The following SERGEF variants were observed in gnomAD, a reference collection of about 807,000 sequenced individuals.
The protein encoded by SERGEF is secretion regulating guanine nucleotide exchange factor.
Under a neutral mutation model 50.0 loss-of-function variants are expected in SERGEF, and 51 were observed. The ratio of observed to expected loss-of-function variants is 1.02; its 90% CI spans 0.81 to 1.29. The LOEUF is 1.29. SERGEF is among the 50% of genes most tolerant of loss of function. SERGEF has a pLI of 0.00. For synonymous variants in SERGEF, 205 were observed against 212.4 expected (o/e 0.97, Z 0.30); for missense variants, 521 against 557.0 (o/e 0.94, Z 0.65).
intron 8 of SERGEF, among the ~76,000 whole-genome samples, chr11:17,980,543 C>T (rs984638006): frequency 6.6e-6 from 1 of 152,192 alleles, no homozygotes; most frequent in Non-Finnish European, 1.5e-5. Flanking sequence ...CACTCATAAT[C>T]CCACCTGGCC....
chr11:17,964,312 G>A (rs1404765758), intron 8 of SERGEF, among the ~76,000 whole-genome samples: 1 of 151,780 alleles, frequency 6.6e-6, no homozygotes, highest in Non-Finnish European at 1.5e-5. Flanking sequence ...GTGGGTGGAT[G>A]ATGAATATTC....
chr11:17,835,708 T>G (rs1050627759), intron 10 of SERGEF, among the ~76,000 whole-genome samples: 7 of 152,178 alleles, frequency 4.6e-5, no homozygotes. Context: ...AAATCCCCAG[T>G]CAGGAAGACA....
At chr11:17,940,867 CA>C (rs1852549802) in intron 9 of SERGEF, among the ~76,000 whole-genome samples, 1 of 152,218 alleles carries the variant, frequency 6.6e-6, no homozygotes, top group Admixed American at 6.5e-5. Context: ...GGCTCCGAGT[CA>C]CTGTACTTCT....
chr11:17,986,221 G>A (rs768962799), intron 8 of SERGEF, among the ~76,000 whole-genome samples: 12 of 152,130 alleles, frequency 7.9e-5, no homozygotes, highest in Non-Finnish European at 1.3e-4. Context: ...AGCCCTGGGT[G>A]TTTCTTCTCA....
chr11:17,789,594 T>C (rs1413481719), intron 10 of SERGEF, among the ~76,000 whole-genome samples: 2 of 152,078 alleles, frequency 1.3e-5, no homozygotes, highest in Non-Finnish European at 2.9e-5. Context: ...CTTCTGGACA[T>C]AAAAATAATA....
At chr11:17,942,323 GT>G (rs1327052699) in intron 9 of SERGEF, among the ~76,000 whole-genome samples, 7 of 151,936 alleles carry the variant, frequency 4.6e-5, no homozygotes, top group Admixed American at 3.3e-4. Context: ...AGTCTTGCAC[GT>G]TTTTGTTAAG....
At chr11:17,964,647 C>A (rs1345367917) in intron 8 of SERGEF, among the ~76,000 whole-genome samples, 2 of 152,188 alleles carry the variant, frequency 1.3e-5, no homozygotes, top group African/African-American at 2.4e-5. Context: ...TCCCTCTCAA[C>A]TCTAATATTC....
chr11:17,874,550 AAAG>A (rs1484202285), intron 10 of SERGEF, among the ~76,000 whole-genome samples: 1 of 152,234 alleles, frequency 6.6e-6, no homozygotes, highest in African/African-American at 2.4e-5. Context: ...CCAAATTTCA[AAAG>A]AAGGGGAACA....
At chr11:18,010,924 G>A (rs1003996130) in intron 1 of SERGEF, among the ~76,000 whole-genome samples, 2 of 152,126 alleles carry the variant, frequency 1.3e-5, no homozygotes, top group African/African-American at 4.8e-5. Context: ...CCATTACCAG[G>A]GGTGCAAGGC....
chr11:17,841,333 T>C (rs1027232438), intron 10 of SERGEF, among the ~76,000 whole-genome samples: 3 of 152,234 alleles, frequency 2.0e-5, no homozygotes, highest in African/African-American at 7.2e-5. Flanking sequence ...TGTTTATTTT[T>C]AGCTTAGCGA....
intron 9 of SERGEF, among the ~76,000 whole-genome samples, chr11:17,908,515 T>A (rs1039010711): frequency 1.3e-5 from 2 of 152,160 alleles, no homozygotes; most frequent in African/African-American, 4.8e-5. Context: ...TCCCTCCTCT[T>A]ATGCTCCACA....
intron 9 of SERGEF, among the ~76,000 whole-genome samples, chr11:17,896,858 G>GAAGGGT (rs1851651719): frequency 4.0e-4 from 1 of 2,482 alleles, no homozygotes; most frequent in African/African-American, 1.9e-3. Flanking sequence ...AAGGGTAAGG[G>GAAGGGT]AAGGGAAGGG....
chr11:18,006,441 G>A (rs1364307057), intron 3 of SERGEF, 150 bp downstream of exon 3: 11 of 776,148 alleles, frequency 1.4e-5, no homozygotes, highest in Non-Finnish European at 2.2e-5. Flanking sequence ...CTCCCAAAGT[G>A]CTGGAATTAC....
At chr11:17,812,494 G>C (rs140652699) in intron 10 of SERGEF, among the ~76,000 whole-genome samples, 230 of 152,316 alleles carry the variant, frequency 1.5e-3, no homozygotes, top group Non-Finnish European at 2.9e-3. Context: ...CAGCAAACAG[G>C]CTGTCTGCTG....
chr11:17,896,545 G>T (rs1247276899), intron 9 of SERGEF, among the ~76,000 whole-genome samples: 7 of 125,066 alleles, frequency 5.6e-5, no homozygotes, highest in Non-Finnish European at 9.8e-5. Flanking sequence ...CTTGGAAGGG[G>T]AAGGGAAGGG....
chr11:17,937,238 T>C (rs960645626), intron 9 of SERGEF, among the ~76,000 whole-genome samples: 1 of 152,124 alleles, frequency 6.6e-6, no homozygotes, highest in Non-Finnish European at 1.5e-5. Context: ...ATATTTAAAA[T>C]GTACTACAAT....
chr11:17,928,933 C>T (rs183816872), intron 9 of SERGEF, among the ~76,000 whole-genome samples: 27 of 152,288 alleles, frequency 1.8e-4, no homozygotes, highest in African/African-American at 6.5e-4. Context: ...AAACTAGATG[C>T]TATTTATATT....
At chr11:17,850,103 A>T (rs897584853) in intron 10 of SERGEF, among the ~76,000 whole-genome samples, 2 of 152,162 alleles carry the variant, frequency 1.3e-5, no homozygotes, top group African/African-American at 4.8e-5. Context: ...AAGAGAACAC[A>T]TGCGAGAGAG....
At chr11:17,999,786 G>A (rs908841282) in intron 5 of SERGEF, among the ~76,000 whole-genome samples, 2 of 152,176 alleles carry the variant, frequency 1.3e-5, no homozygotes, top group Admixed American at 6.5e-5. Context: ...CAAAAAATAT[G>A]AGCCTTAGGA....
Sources: allele counts gnomAD v4.1 joint callset (sites outside exome capture counted in the v4.1 genomes callset), GRCh38; gene constraint gnomAD v4.1.1; transcripts MANE v1.5; gene names NCBI Gene and HGNC (gene_info 2026-07-23, HGNC 2026-07-21).